Variants in CREBBP observed in about 807,000 individuals in gnomAD.
CREBBP encodes CREB-binding protein.
Under a neutral mutation model 265.0 loss-of-function variants are expected in CREBBP, and 19 were observed. That is an observed-to-expected ratio of 0.07 (90% confidence interval 0.05 to 0.11). The LOEUF is 0.11. Among genes scored for constraint, CREBBP ranks in the 10% least tolerant of loss-of-function variants. CREBBP has a pLI of 1.00. For synonymous variants in CREBBP, 1,457 were observed against 1,223.7 expected, an observed-to-expected ratio of 1.19 and a Z score of -3.98; for missense variants, 2,525 against 3,219.0, an observed-to-expected ratio of 0.78 and a Z score of 5.22.
intron 5 of CREBBP, among the ~76,000 whole-genome samples, chr16:3,787,146 C>T (rs938522042): frequency 6.6e-6 from 1 of 152,104 alleles, no homozygotes; most frequent in Non-Finnish European, 1.5e-5. Flanking sequence ...CCGTACCTTG[C>T]GGGCATTGTG....
At position 3,770,503 on chromosome 16, in the gene CREBBP, C is replaced by T. The variant is rs562218922; in HGVS notation, c.2880+67G>A. 1.0e-4 allele frequency: 158 copies of T among 1,578,308 alleles called. No homozygotes were observed. In the African/African-American group the frequency reaches 1.8e-3, roughly 18 times the overall value. ...GAACCACCGCGCCTGGCCTGACACA[C>T]AATTTTTATGGGAAAATTATCTTCT... On this transcript the variant is annotated intron_variant, in intron 14 of 30. Coordinates refer to ENST00000262367, the MANE Select transcript of CREBBP (RefSeq NM_004380.3).
At chr16:3,730,382 G>A (rs755939183) in intron 30 of CREBBP, 8 of 177,432 alleles carry the variant, frequency 4.5e-5, no homozygotes, top group Admixed American at 1.1e-4. Flanking sequence ...GACAGCTGCC[G>A]TGAAGTGCCT....
chr16:3,794,429 A>AGCC (rs1380568895), intron 3 of CREBBP, among the ~76,000 whole-genome samples: 2 of 150,826 alleles, frequency 1.3e-5, no homozygotes, highest in Non-Finnish European at 1.5e-5. Flanking sequence ...AAAGAATCAG[A>AGCC]GCCACCTTTT....
intron 18 of CREBBP, 87 bp from the exon 19 acceptor site, chr16:3,757,463 A>C: frequency 8.7e-7 from 1 of 1,149,618 alleles, no homozygotes; most frequent in Non-Finnish European, 1.3e-6. Flanking sequence ...AGAGACTAGT[A>C]AATTATTTCT....
chr16:3,875,884 G>A (rs1487878176), intron 1 of CREBBP, among the ~76,000 whole-genome samples: 5 of 152,114 alleles, frequency 3.3e-5, no homozygotes, highest in African/African-American at 1.2e-4. Context: ...AGACCATTTG[G>A]TTGACAACCA....
At chr16:3,748,780 T>A (rs2052406705) in intron 21 of CREBBP, among the ~76,000 whole-genome samples, 1 of 152,080 alleles carries the variant, frequency 6.6e-6, no homozygotes, top group South Asian at 2.1e-4. Flanking sequence ...CTGAAAAAAA[T>A]CTGAAGTCTC....
At chr16:3,871,234 C>A (rs1329659942) in intron 1 of CREBBP, among the ~76,000 whole-genome samples, 1 of 150,484 alleles carries the variant, frequency 6.6e-6, no homozygotes, top group Admixed American at 6.6e-5. Context: ...CACACACACA[C>A]CCCACCCTGC....
In CREBBP at chr16:3,850,456, A is replaced by G. The variant is rs1273258082; in HGVS notation, c.639T>C (p.Leu213=). The G allele has an allele frequency of 2.5e-6, 4 of 1,614,110 alleles. No homozygotes were observed. In the African/African-American group the frequency reaches 4.0e-5, roughly 16 times the overall value. ...QGQAQVMNGS[L]GAAGRGRGAG... is the part of the protein sequence containing the mutation. ...CTCCCCTTCCTCTGCCAGCAGCCCC[A>G]AGAGATCCATTCATGACTTGCGCCT... is the stretch of plus-strand genomic sequence containing the variant. Residue 213 remains leucine, a synonymous_variant, in exon 2 of 31, where the codon CTT becomes CTC. Coordinates refer to ENST00000262367, the MANE Select transcript of CREBBP (RefSeq NM_004380.3).
At position 3,727,746 on chromosome 16, in the gene CREBBP, G is replaced by A. The variant is rs367899910; in HGVS notation, c.7301C>T (p.Thr2434Met). ...LSLVGDTTGDTLEKFVEGL is the reference protein window; with the variant it reads ...LSLVGDTTGDMLEKFVEGL ...CAAGCCCTCCACAAACTTCTCTAGC[G>A]TGTCCCCCGTGGTGTCCCCGACCAG... Residue 2434 changes from threonine (T) to methionine (M), a missense_variant, in exon 31 of 31, where the codon ACG becomes ATG. Around this residue, in one of 19 missense-constraint regions of CREBBP, gnomAD observed 473 missense variants for 459.3 expected, o/e 1.03. Coordinates refer to ENST00000262367, the MANE Select transcript of CREBBP (RefSeq NM_004380.3). The A allele has an allele frequency of 3.1e-6, 5 of 1,613,964 alleles. No homozygotes were observed. The highest frequency in any genetic ancestry group is 2.7e-5 in the African/African-American group (2 of 74,908).
chr16:3,744,351 C>T (rs778760033), intron 23 of CREBBP, among the ~76,000 whole-genome samples: 3 of 152,192 alleles, frequency 2.0e-5, no homozygotes, highest in Non-Finnish European at 2.9e-5. Flanking sequence ...CACACATGCA[C>T]GCACGAGGGG....
chr16:3,793,030 T>C lies in CREBBP; in HGVS notation c.1216+356A>G, dbSNP rs3025698. Among the ~76,000 whole-genome samples, 1,187 of 152,250 alleles carry C rather than the reference T, an allele frequency of 7.8e-3. 16 individuals carry two copies. Among genetic ancestry groups the C allele is most frequent in the African/African-American group, 0.027 (1,122 of 41,544 alleles). On this transcript the variant is annotated intron_variant, in intron 4 of 30. Coordinates refer to ENST00000262367, the MANE Select transcript of CREBBP (RefSeq NM_004380.3). ...CCTGCACGTGCCTGTGCTATGTTCA[T>C]TGCCCCAAAAGAAAACCACAATCTA...
rs564694487 is a variant in CREBBP at position 3,823,739 on chromosome 16, C to A, written c.799-12960G>T. On this transcript the variant is annotated intron_variant, in intron 2 of 30. Transcript: ENST00000262367. ...TCTATCTGGCCTGAGCTTCAGGGAG[C>A]AGCAAGCAAGAGACTGGAGCATGAG... is the stretch of plus-strand genomic sequence containing the variant. Among the ~76,000 whole-genome samples, 61 of 152,200 alleles carry A rather than the reference C, an allele frequency of 4.0e-4. 1 individual carries two copies. The South Asian group carries it at 0.012, about 31-fold the overall frequency.
intron 19 of CREBBP, among the ~76,000 whole-genome samples, chr16:3,753,886 AC>A (rs1325313873): frequency 6.6e-6 from 1 of 152,240 alleles, no homozygotes; most frequent in Non-Finnish European, 1.5e-5. Flanking sequence ...CACCGTAATC[AC>A]AGGTGAGTCT....
At chr16:3,729,972 C>T in intron 30 of CREBBP, 98 bp from the exon 31 acceptor site, 1 of 1,539,530 alleles carries the variant, frequency 6.5e-7, no homozygotes, top group Non-Finnish European at 8.7e-7. Context: ...TGGGTCTGTG[C>T]CAGGAGACCC....
intron 2 of CREBBP, among the ~76,000 whole-genome samples, chr16:3,828,353 A>C (rs2054279909): frequency 6.6e-6 from 1 of 152,154 alleles, no homozygotes; most frequent in South Asian, 2.1e-4. Flanking sequence ...CGGCCTCCCA[A>C]AGTACTGGGA....
In CREBBP at chr16:3,770,027, T is replaced by C. The variant is rs890486168; in HGVS notation, c.2880+543A>G. On this transcript the variant is annotated intron_variant, in intron 14 of 30. Coordinates refer to ENST00000262367, the MANE Select transcript of CREBBP (RefSeq NM_004380.3). Reference sequence around the variant, plus strand: ...CTGGGAATACAGGCACCAGCCATCATGCCCGGCTAATTTTTATATTTTTGT... The same window carrying C: ...CTGGGAATACAGGCACCAGCCATCACGCCCGGCTAATTTTTATATTTTTGT... Among the ~76,000 whole-genome samples the C allele has an allele frequency of 1.6e-4, 24 of 152,108 alleles. 1 individual carries two copies. Among genetic ancestry groups the C allele is most frequent in the African/African-American group, 5.6e-4 (23 of 41,426 alleles).
rs117688490 is a variant in CREBBP at position 3,859,518 on chromosome 16, G to A, written c.86-8509C>T. Among the ~76,000 whole-genome samples the A allele has an allele frequency of 2.4e-3, 362 of 152,298 alleles. 1 individual carries two copies. Among genetic ancestry groups the A allele is most frequent in the Admixed American group, 8.0e-3 (122 of 15,296 alleles). ...CAGTAATGTCTTTTCGTATGCTCACGAATTGACTGATGGCTGGCAGCTCCT... is the reference window on the plus strand; with the variant it reads ...CAGTAATGTCTTTTCGTATGCTCACAAATTGACTGATGGCTGGCAGCTCCT... On this transcript the variant is annotated intron_variant, in intron 1 of 30. Transcript: ENST00000262367.
At chr16:3,793,321 G>C (rs904152388) in intron 4 of CREBBP, 65 bp downstream of exon 4, 3 of 1,608,730 alleles carry the variant, frequency 1.9e-6, no homozygotes, top group African/African-American at 1.3e-5. Context: ...GAGAGCTGCT[G>C]TAAGAACAAT....
In CREBBP at chr16:3,753,824, G is replaced by C. The variant is rs550430358; in HGVS notation, c.3699-2018C>G. On this transcript the variant is annotated intron_variant, in intron 19 of 30. Coordinates refer to ENST00000262367, the MANE Select transcript of CREBBP (RefSeq NM_004380.3). ...CATTCATGATACAATCAAACACGCA[G>C]AACTATGGCCAACTAGAAGGGACCG... Among the ~76,000 whole-genome samples the C allele has an allele frequency of 1.1e-4, 17 of 152,214 alleles. No homozygotes were observed. In the South Asian group the frequency reaches 3.5e-3, roughly 32 times the overall value.
Sources: gnomAD v4.1 joint callset for allele counts (sites outside exome capture counted in the v4.1 genomes callset) on GRCh38, gnomAD v4.1.1 for gene constraint, gnomAD v4.1.1 regional missense constraint, MANE v1.5 for transcripts, NCBI Gene and HGNC (gene_info 2026-07-23, HGNC 2026-07-21) for gene names.